Variants in SDK1 observed in about 807,000 individuals in gnomAD.
SDK1 encodes the protein protein sidekick-1.
SDK1 carries 157 observed loss-of-function variants against 245.5 expected under a neutral mutation model. That is an observed-to-expected ratio of 0.64 (90% CI 0.56 to 0.73). The LOEUF (loss-of-function observed/expected upper bound fraction) is 0.73, where lower values mean the gene tolerates loss of function less well. Ranked by LOEUF, SDK1 falls within the 30% of genes least tolerant of loss-of-function variation. The pLI, the probability that SDK1 is intolerant of heterozygous loss-of-function variation, is 0.00. For synonymous variants in SDK1, 1,647 were observed against 1,278.5 expected (o/e 1.29, Z -6.15); for missense variants, 3,583 against 3,002.3 (o/e 1.19, Z -4.52).
intron 2 of SDK1, among the ~76,000 whole-genome samples, chr7:3,627,306 C>G (rs762537532): frequency 8.5e-5 from 13 of 152,166 alleles, no homozygotes; most frequent in Non-Finnish European, 1.6e-4. Flanking sequence ...GCTACTAGGA[C>G]TACCGGATCC....
intron 27 of SDK1, 158 bp downstream of exon 27, chr7:4,130,255 C>T (rs376990065): frequency 1.3e-6 from 1 of 784,512 alleles, no homozygotes. Context: ...AGTCACTGAG[C>T]ACTTATATGG....
chr7:4,158,568 CCAGACCG>C lies in SDK1; in HGVS notation c.4729+19_4729+25del. 6.3e-7 allele frequency: 1 copy of C among 1,590,822 alleles called. No homozygotes were observed. The highest frequency in any genetic ancestry group is 8.6e-7 in the Non-Finnish European group (1 of 1,160,260). On this transcript the variant is annotated intron_variant, in intron 31 of 44. Coordinates refer to ENST00000404826, the MANE Select transcript of SDK1 (RefSeq NM_152744.4). Reference sequence around the variant, plus strand: ...TGCAGGATGGTGAGCAACCCGGGGCCCAGACCGCGTTCCTGGCCGCTGCCCCTGGAGC... The same window carrying C: ...TGCAGGATGGTGAGCAACCCGGGGCCCGTTCCTGGCCGCTGCCCCTGGAGC...
intron 1 of SDK1, among the ~76,000 whole-genome samples, chr7:3,421,175 G>T (rs942767550): frequency 6.7e-6 from 1 of 148,966 alleles, no homozygotes; most frequent in Non-Finnish European, 1.5e-5. Flanking sequence ...GGGTTCAAGT[G>T]ATTCTCCTGC....
intron 2 of SDK1, among the ~76,000 whole-genome samples, chr7:3,630,609 T>C (rs1782260897): frequency 6.6e-6 from 1 of 152,030 alleles, no homozygotes; most frequent in Non-Finnish European, 1.5e-5. Flanking sequence ...GCCCTCCAGC[T>C]TGGGTGACAG....
Position 3,367,510 on chromosome 7 carries a change from C to T in SDK1, c.298+65626C>T, listed in dbSNP as rs139243830. ...CAGAGTGCCATTCCCGGCATTTCAT[C>T]TATCCCATACTTGTCATTTGTAAAA... On this transcript the variant is annotated intron_variant, in intron 1 of 44. Coordinates refer to ENST00000404826, the MANE Select transcript of SDK1 (RefSeq NM_152744.4). Among the ~76,000 whole-genome samples the T allele has an allele frequency of 4.2e-3, 647 of 152,300 alleles. 5 individuals are homozygous for T. Among genetic ancestry groups the T allele is most frequent in the Non-Finnish European group, 6.9e-3 (468 of 68,030 alleles).
At chr7:4,202,807 T>C (rs1409718724) in intron 35 of SDK1, among the ~76,000 whole-genome samples, 1 of 152,200 alleles carries the variant, frequency 6.6e-6, no homozygotes, top group African/African-American at 2.4e-5. Flanking sequence ...CCTGTCCAGC[T>C]GCCTCAACTT....
chr7:3,451,589 A>G (rs188755889), intron 1 of SDK1, among the ~76,000 whole-genome samples: 17 of 151,818 alleles, frequency 1.1e-4, no homozygotes, highest in African/African-American at 4.1e-4. Flanking sequence ...AATTTCCATT[A>G]TCTTTCACTA....
At chr7:3,431,982 A>G (rs956982630) in intron 1 of SDK1, among the ~76,000 whole-genome samples, 19 of 152,004 alleles carry the variant, frequency 1.2e-4, no homozygotes, top group African/African-American at 4.6e-4. Flanking sequence ...GTTAAATTAT[A>G]CATCCCAGTT....
In SDK1 at chr7:3,818,350, C is replaced by G. The variant is rs182139415; in HGVS notation, c.714-3100C>G. Among the ~76,000 whole-genome samples, 275 of 152,260 alleles carry G rather than the reference C, an allele frequency of 1.8e-3. 6 individuals are homozygous for G. The South Asian group carries it at 0.028, about 16-fold the overall frequency. ...ATTATGGGCAAAGTATTCAACTTTGCTACCATAATTACTCAGCATGCCCCT... is the reference window on the plus strand; with the variant it reads ...ATTATGGGCAAAGTATTCAACTTTGGTACCATAATTACTCAGCATGCCCCT... On this transcript the variant is annotated intron_variant, in intron 4 of 44. Transcript: ENST00000404826.
rs144431204 is a variant in SDK1 at position 3,958,618 on chromosome 7, G to T, written c.1151-313G>T. Among the ~76,000 whole-genome samples the T allele has an allele frequency of 1.1e-4, 16 of 152,248 alleles. No individual in the cohort carries two copies. In the East Asian group the frequency reaches 3.1e-3, roughly 29 times the overall value. ...TGAAGCAAACTAGCCCATAAAATAC[G>T]GTGCTGTAAATATAAACCTTTACGA... is the stretch of plus-strand genomic sequence containing the variant. On this transcript the variant is annotated intron_variant, in intron 7 of 44. Coordinates refer to ENST00000404826, the MANE Select transcript of SDK1 (RefSeq NM_152744.4).
rs28711718 is a variant in SDK1, at chr7:3,775,600, T to C, written c.714-45850T>C. 4.0e-3 allele frequency among the ~76,000 whole-genome samples: 602 copies of C among 150,864 alleles called. 3 individuals carry two copies. Among genetic ancestry groups the C allele is most frequent in the South Asian group, 0.015 (72 of 4,750 alleles). The stretch of plus-strand genomic sequence containing the variant: ...CTTTTTTTTTTTTGAGACAGAGTCT[T>C]GCTCTGTCGCCCAGGCCGGACTGCG... On this transcript the variant is annotated intron_variant, in intron 4 of 44. Transcript: ENST00000404826.
chr7:4,105,466 C>T (rs905778316), intron 22 of SDK1, among the ~76,000 whole-genome samples: 1 of 151,862 alleles, frequency 6.6e-6, no homozygotes, highest in South Asian at 2.1e-4. Flanking sequence ...GCCACCACAC[C>T]CAGCCAATTT....
At chr7:3,311,074 A>G (rs73286364) in intron 1 of SDK1, among the ~76,000 whole-genome samples, 2,916 of 152,176 alleles carry the variant, frequency 0.019, 99 homozygotes, top group African/African-American at 0.067. Context: ...TTAGGGAGTG[A>G]TGAGTCACGG....
At chr7:4,163,417 C>G (rs1033217049) in intron 32 of SDK1, among the ~76,000 whole-genome samples, 1 of 152,154 alleles carries the variant, frequency 6.6e-6, no homozygotes, top group East Asian at 1.9e-4. Flanking sequence ...GGGGATGTCC[C>G]GGCCACATGC....
At chr7:3,397,493 G>A (rs970682491) in intron 1 of SDK1, among the ~76,000 whole-genome samples, 4 of 150,488 alleles carry the variant, frequency 2.7e-5, no homozygotes, top group African/African-American at 7.4e-5. Context: ...CCCCCCCAGC[G>A]CTTTGAATAT....
chr7:3,675,662 C>G (rs1425853796), intron 4 of SDK1, among the ~76,000 whole-genome samples: 1 of 152,096 alleles, frequency 6.6e-6, no homozygotes, highest in Non-Finnish European at 1.5e-5. Context: ...CGGCCTGGAA[C>G]TCCCGGTCTC....
At chr7:3,413,807 C>T (rs1442782394) in intron 1 of SDK1, among the ~76,000 whole-genome samples, 2 of 152,136 alleles carry the variant, frequency 1.3e-5, no homozygotes, top group African/African-American at 2.4e-5. Flanking sequence ...GGCAATGTAG[C>T]AAGATCTGCC....
chr7:3,426,293 A>C (rs1779674267), intron 1 of SDK1, among the ~76,000 whole-genome samples: 1 of 152,152 alleles, frequency 6.6e-6, no homozygotes, highest in African/African-American at 2.4e-5. Context: ...GAAGGGTGCT[A>C]AGTGCGTCAC....
Position 4,079,533 on chromosome 7 carries a change from G to T in SDK1, c.3273G>T (p.Arg1091=). ...ISPRSATLQF[R]PGYDGKTSIS... The stretch of plus-strand genomic sequence containing the variant: ...CTCGCTCCGCCACCCTTCAGTTCCG[G>T]CCAGGCTATGACGGGAAAACGTCCA... Residue 1091 remains arginine, a synonymous_variant, in exon 22 of 45, where the codon CGG becomes CGT. Coordinates refer to ENST00000404826, the MANE Select transcript of SDK1 (RefSeq NM_152744.4). The T allele has an allele frequency of 6.2e-7, 1 of 1,614,190 alleles. No homozygotes were observed. The highest frequency in any genetic ancestry group is 8.5e-7 in the Non-Finnish European group (1 of 1,180,046).
Sources: allele counts gnomAD v4.1 joint callset (sites outside exome capture counted in the v4.1 genomes callset), GRCh38; gene constraint gnomAD v4.1.1; transcripts MANE v1.5; gene names NCBI Gene and HGNC (gene_info 2026-07-23, HGNC 2026-07-21).